The following EPS8L2 variants were observed in gnomAD, a reference collection of about 807,000 sequenced individuals.
The protein encoded by EPS8L2 is EPS8 signaling adaptor L2, also known as epidermal growth factor receptor kinase substrate 8-like protein 2.
In EPS8L2, 81 loss-of-function variants were observed where a neutral mutation model predicts 99.4. That is an observed-to-expected ratio of 0.82 (90% CI 0.68 to 0.98). The LOEUF (loss-of-function observed/expected upper bound fraction) is 0.98. Ranked by LOEUF, EPS8L2 falls within the 50% of genes least tolerant of loss-of-function variation. The probability of loss-of-function intolerance (pLI) is 0.00; values close to 1 mark genes in which losing one functional copy is unlikely to be tolerated. For missense variants in EPS8L2, 1,155 were observed against 968.8 expected, an observed-to-expected ratio of 1.19 and a Z score of -2.55; for synonymous variants, 509 against 407.3, an observed-to-expected ratio of 1.25 and a Z score of -3.01.
chr11:723,552 C>T (rs755397170), intron 15 of EPS8L2, among the ~76,000 whole-genome samples, 199 bp downstream of exon 15: 2 of 152,220 alleles, frequency 1.3e-5, no homozygotes, highest in Non-Finnish European at 2.9e-5. Context: ...AAGTCATGCA[C>T]AAATTCTCTA....
intron 19 of EPS8L2, 40 bp from the exon 20 acceptor site, chr11:726,579 G>C (rs1445206535): frequency 1.3e-6 from 2 of 1,524,150 alleles, no homozygotes; most frequent in East Asian, 2.5e-5. Context: ...AGGCAGCCTC[G>C]CTCACAGCGC....
intron 4 of EPS8L2, among the ~76,000 whole-genome samples, chr11:716,393 C>T (rs1862028773): frequency 6.6e-6 from 1 of 152,122 alleles, no homozygotes; most frequent in Admixed American, 6.6e-5. Flanking sequence ...TGTGATCTGC[C>T]TGCCTCAGCC....
At chr11:720,790 G>GCGCCC (rs1564975473) in intron 6 of EPS8L2, 40 bp from the exon 7 acceptor site, 3 of 1,542,440 alleles carry the variant, frequency 1.9e-6, no homozygotes, top group South Asian at 1.2e-5. Context: ...CCGCCGCGCC[G>GCGCCC]CGCCCCGCCC....
At chr11:715,550 ACCT>A (rs1229119990) in intron 4 of EPS8L2, among the ~76,000 whole-genome samples, 2 of 146,048 alleles carry the variant, frequency 1.4e-5, no homozygotes, top group African/African-American at 2.6e-5. Flanking sequence ...AAGTGCGTTG[ACCT>A]CCTCTTAATT....
intron 1 of EPS8L2, 27 bp from the exon 2 acceptor site, chr11:709,303 G>A (rs1316712988): frequency 7.4e-7 from 1 of 1,348,914 alleles, no homozygotes; most frequent in South Asian, 1.3e-5. Flanking sequence ...CGGAGGAAGT[G>A]TCAGCGCAGC....
intron 3 of EPS8L2, chr11:710,014 T>C (rs1229504256): frequency 1.4e-5 from 5 of 358,624 alleles, no homozygotes; most frequent in Non-Finnish European, 2.1e-5. Flanking sequence ...CCTTCACTTA[T>C]GTCTTTGGAC....
intron 3 of EPS8L2, chr11:709,920 A>T (rs1861838575): frequency 2.1e-6 from 1 of 481,658 alleles, no homozygotes; most frequent in Admixed American, 3.5e-5. Flanking sequence ...TGTCTGCTCC[A>T]GGAGGGGGGC....
rs776576275 is a variant in EPS8L2, at chr11:727,009, G to A, written c.*28G>A. On this transcript the variant is annotated 3_prime_UTR_variant, in exon 21 of 21. Coordinates refer to ENST00000318562, the MANE Select transcript of EPS8L2 (RefSeq NM_022772.4). ...CCAGCTGCCTTGGGCTGGGGCCTGC[G>A]GAGGGGAAGCCCACCCACAATGCAT... 3.3e-6 allele frequency: 5 copies of A among 1,525,444 alleles called. No homozygotes were observed. The highest frequency in any genetic ancestry group is 1.7e-5 in the Admixed American group (1 of 58,208). 94.5% of individuals were successfully genotyped at this position (1,525,444 alleles called of 1,614,324 possible). A position where few individuals can be genotyped will look rare whatever the true frequency, so the allele number is the denominator to read the frequency against.
Position 722,431 on chromosome 11 carries a change from G to T in EPS8L2, c.1090G>T (p.Ala364Ser), listed in dbSNP as rs777310402. ...CAACACCTGCAGTGGCCCAGACATC[G>T]CACGCTCCGTCTCCTGCCCACTGCT... is the stretch of plus-strand genomic sequence containing the variant. ...IVNTCSGPDIARSVSCPLLSR... is the reference protein window; with the variant it reads ...IVNTCSGPDISRSVSCPLLSR... The change falls in exon 13 of 21, where the codon GCA (alanine) becomes TCA (serine). Residue 364 changes from alanine to serine, a missense_variant. Ala to Ser is a moderately conservative substitution (Grantham distance 99, BLOSUM62 1). Coordinates refer to ENST00000318562, the MANE Select transcript of EPS8L2 (RefSeq NM_022772.4). The T allele has an allele frequency of 1.9e-6, 3 of 1,613,128 alleles. No homozygotes were observed. In the African/African-American group the frequency reaches 4.0e-5, roughly 22 times the overall value.
intron 16 of EPS8L2, among the ~76,000 whole-genome samples, chr11:725,185 G>C (rs947316333): frequency 1.3e-5 from 2 of 152,246 alleles, no homozygotes; most frequent in Non-Finnish European, 2.9e-5. Flanking sequence ...CCACCCACTG[G>C]GGGACAGAAA....
intron 12 of EPS8L2, 70 bp downstream of exon 12, chr11:722,235 T>C (rs936609609): frequency 1.3e-6 from 2 of 1,562,750 alleles, no homozygotes; most frequent in East Asian, 4.6e-5. Context: ...CTCCCCGGGG[T>C]CGGGGTTGGG....
intron 1 of EPS8L2, among the ~76,000 whole-genome samples, chr11:707,566 G>A (rs117429558): frequency 0.041 from 6,232 of 152,276 alleles, 251 homozygotes; most frequent in Non-Finnish European, 0.059. Context: ...GGGCCTCCAG[G>A]GCTTCGTCCC....
intron 4 of EPS8L2, among the ~76,000 whole-genome samples, chr11:713,144 G>A (rs1419355942): frequency 6.6e-6 from 1 of 152,242 alleles, no homozygotes; most frequent in Non-Finnish European, 1.5e-5. Flanking sequence ...AGTCTCTCCA[G>A]CCAGGTGGGG....
At position 724,371 on chromosome 11, in the gene EPS8L2, G is replaced by A. The variant is rs1048888882; in HGVS notation, c.1455-353G>A. ...ATGCTGGCCCTCACTGGCCAGCTGCGGGGAGCTGTGACCCTGGCGTTTCCC... is the reference window on the plus strand; with the variant it reads ...ATGCTGGCCCTCACTGGCCAGCTGCAGGGAGCTGTGACCCTGGCGTTTCCC... On this transcript the variant is annotated intron_variant, in intron 15 of 20. Coordinates refer to ENST00000318562, the MANE Select transcript of EPS8L2 (RefSeq NM_022772.4). The surrounding 1 kb of genome is among the most constrained non-coding windows in gnomAD (Gnocchi z 5.5). 2.0e-5 allele frequency among the ~76,000 whole-genome samples: 3 copies of A among 152,130 alleles called. No homozygotes were observed. Among genetic ancestry groups the A allele is most frequent in the Admixed American group, 6.6e-5 (1 of 15,266 alleles).
chr11:722,503 G>A lies in EPS8L2; in HGVS notation c.1162G>A (p.Glu388Lys). ...CCTGCGCGGCCACCTGGTCCCTAAG[G>A]AGATGTCGCTGTGGGAGTCACTGGG... ...DFLRGHLVPK[E>K]MSLWESLGES... The change falls in exon 13 of 21, where the codon GAG (glutamate) becomes AAG (lysine). Residue 388 changes from glutamate to lysine, a missense_variant. By Grantham distance (56) the Glu-to-Lys change is moderately conservative. Coordinates refer to ENST00000318562, the MANE Select transcript of EPS8L2 (RefSeq NM_022772.4). The A allele has an allele frequency of 6.2e-7, 1 of 1,613,420 alleles. No individual in the cohort carries two copies. Among genetic ancestry groups the A allele is most frequent in the East Asian group, 2.2e-5 (1 of 44,872 alleles).
chr11:723,415 A>AT (rs1862242122), intron 15 of EPS8L2, 62 bp downstream of exon 15: 1 of 720,222 alleles, frequency 1.4e-6, no homozygotes. Flanking sequence ...ACAGTCTCTA[A>AT]AAACATATGG....
rs1178401592 is a variant in EPS8L2 at position 727,142 on chromosome 11, G to T, written c.*161G>T. The T allele has an allele frequency of 1.7e-6, 1 of 604,756 alleles. No individual in the cohort carries two copies. Among genetic ancestry groups the T allele is most frequent in the Non-Finnish European group, 2.9e-6 (1 of 340,918 alleles). The allele number at this position is 604,756 out of a possible 1,614,324, so 37.5% of individuals were successfully genotyped here. A position where few individuals can be genotyped will look rare whatever the true frequency, so the allele number is the denominator to read the frequency against. ...TCTGGAGGCACAACGCCCATCCTTA[G>T]GCCAAACAGTACCCAAGGCCTCAGC... On this transcript the variant is annotated 3_prime_UTR_variant, in exon 21 of 21. Coordinates refer to ENST00000318562, the MANE Select transcript of EPS8L2 (RefSeq NM_022772.4).
intron 5 of EPS8L2, 31 bp downstream of exon 5, chr11:720,254 C>G (rs752518017): frequency 6.2e-6 from 10 of 1,609,682 alleles, no homozygotes; most frequent in Non-Finnish European, 2.5e-6. Context: ...GGACAGGGAG[C>G]ACAGTGGGTA....
At position 709,460 on chromosome 11, in the gene EPS8L2, T is replaced by G; in HGVS notation, c.44+9T>G. On this transcript the variant is annotated intron_variant, in intron 2 of 20. Transcript: ENST00000318562. ...TGCCCGGGTGCCACCAAGTGAGCCCTCCCACCCATCCCGAATACCCCACCC... is the reference window on the plus strand; with the variant it reads ...TGCCCGGGTGCCACCAAGTGAGCCCGCCCACCCATCCCGAATACCCCACCC... 61 of 1,018,192 alleles carry G rather than the reference T, an allele frequency of 6.0e-5. No individual in the cohort carries two copies. The highest frequency in any genetic ancestry group is 8.2e-5 in the Non-Finnish European group (56 of 686,328). The allele number at this position is 1,018,192 out of a possible 1,614,324, so 63.1% of individuals were successfully genotyped here.
Sources: gnomAD v4.1 joint callset for allele counts (sites outside exome capture counted in the v4.1 genomes callset) on GRCh38, gnomAD v4.1.1 for gene constraint, Gnocchi (gnomAD v3.1) non-coding constraint, MANE v1.5 for transcripts, NCBI Gene and HGNC (gene_info 2026-07-23, HGNC 2026-07-21) for gene names.